The following CELF2 variants were observed in gnomAD, a reference collection of about 807,000 sequenced individuals.
The protein encoded by CELF2 is CUG triplet repeat RNA-binding protein 2.
In CELF2, 8 loss-of-function variants were observed where a neutral mutation model predicts 62.6. The ratio of observed to expected loss-of-function variants is 0.13; its 90% CI spans 0.07 to 0.23. The LOEUF (loss-of-function observed/expected upper bound fraction) is 0.23, where lower values mean the gene tolerates loss of function less well. CELF2 is among the 10% of genes least tolerant of loss of function. CELF2 has a pLI of 1.00. For missense variants in CELF2, 333 were observed against 671.0 expected (o/e 0.50, Z 5.56); for synonymous variants, 258 against 250.0 (o/e 1.03, Z -0.30).
chr10:11,029,435 C>A (rs1470908917), intron 1 of CELF2, among the ~76,000 whole-genome samples: 5 of 152,168 alleles, frequency 3.3e-5, no homozygotes, highest in African/African-American at 1.2e-4. Context: ...AAGCCTAAAG[C>A]CTCGGTGTGT....
At chr10:10,618,738 G>T in the CELF2 span, among the ~76,000 whole-genome samples, 1 of 152,028 alleles carries the variant, frequency 6.6e-6, no homozygotes, top group Non-Finnish European at 1.5e-5. Flanking sequence ...GGAAATCAAA[G>T]ACACAGACAC....
intron 1 of CELF2, among the ~76,000 whole-genome samples, chr10:10,839,831 A>G (rs187733182): frequency 5.8e-4 from 88 of 152,366 alleles, no homozygotes; most frequent in Admixed American, 2.0e-3. Context: ...CATAGAGAAT[A>G]GTTTCACTGC....
At chr10:10,899,422 G>A (rs1302888996) in intron 1 of CELF2, among the ~76,000 whole-genome samples, 1 of 152,030 alleles carries the variant, frequency 6.6e-6, no homozygotes, top group East Asian at 1.9e-4. Flanking sequence ...GATAATCATG[G>A]GTATTATGAC....
chr10:11,314,349 AGG>A lies in CELF2; in HGVS notation c.1096+92_1096+93del. ...TGGTCAGCCAGAAATGACCCGAAAA[AGG>A]ATATGCCACGGGGAGAACTAAAACT... is the stretch of plus-strand genomic sequence containing the variant. On this transcript the variant is annotated intron_variant, in intron 10 of 12. Coordinates refer to ENST00000633077, the MANE Select transcript of CELF2 (RefSeq NM_001326342.2). This position sits in a 1 kb window ranked among gnomAD's most constrained non-coding sequence, Gnocchi z 5.3. The A allele has an allele frequency of 6.4e-7, 1 of 1,555,556 alleles. No homozygotes were observed. The highest frequency in any genetic ancestry group is 1.1e-5 in the South Asian group (1 of 89,432).
At chr10:11,043,609 A>G (rs373219437) in intron 1 of CELF2, among the ~76,000 whole-genome samples, 3 of 151,810 alleles carry the variant, frequency 2.0e-5, no homozygotes, top group South Asian at 2.1e-4. Context: ...TCTCCATCTC[A>G]CTAAATGGTT....
chr10:10,595,285 C>T, the CELF2 span, among the ~76,000 whole-genome samples: 1 of 151,226 alleles, frequency 6.6e-6, no homozygotes, highest in African/African-American at 2.4e-5. Flanking sequence ...ACTTGACATA[C>T]AAAGGGAGTA....
At chr10:10,544,978 G>A in the CELF2 span, among the ~76,000 whole-genome samples, 12 of 152,154 alleles carry the variant, frequency 7.9e-5, no homozygotes, top group African/African-American at 2.7e-4. Flanking sequence ...CAAAGTCATC[G>A]TTAAGATTCT....
chr10:11,192,126 G>A (rs1305697239), intron 2 of CELF2, among the ~76,000 whole-genome samples: 3 of 152,210 alleles, frequency 2.0e-5, no homozygotes, highest in Admixed American at 6.5e-5. Flanking sequence ...CCTACAGGCT[G>A]GGATCTTGTG....
At position 11,332,316 on chromosome 10, in the gene CELF2, T is replaced by G. The variant is rs1344240747; in HGVS notation, c.*3263T>G. The G allele has an allele frequency of 6.6e-6, 1 of 152,224 alleles. No homozygotes were observed. The highest frequency in any genetic ancestry group is 1.5e-5 in the Non-Finnish European group (1 of 68,058). 9.4% of individuals were successfully genotyped at this position (152,224 alleles called of 1,614,324 possible). Reference sequence around the variant, plus strand: ...GGTTTTGTTTCTGTTTCCTAAATACTCCTAAATAATATTTCTAATCAGCCA... The same window carrying G: ...GGTTTTGTTTCTGTTTCCTAAATACGCCTAAATAATATTTCTAATCAGCCA... On this transcript the variant is annotated 3_prime_UTR_variant, in exon 13 of 13. Transcript: ENST00000633077.
the CELF2 span, among the ~76,000 whole-genome samples, chr10:10,739,320 G>T: frequency 2.6e-5 from 4 of 152,044 alleles, no homozygotes; most frequent in Non-Finnish European, 5.9e-5. Context: ...TGTTTAATTG[G>T]TTTTGTTTGA....
At chr10:11,096,224 A>T (rs1022935452) in intron 1 of CELF2, 5 of 152,244 alleles carry the variant, frequency 3.3e-5, no homozygotes, top group African/African-American at 1.2e-4. Context: ...GAGAAGTGCT[A>T]TGTTATGAAT....
intron 2 of CELF2, among the ~76,000 whole-genome samples, chr10:11,189,089 T>C (rs1322486924): frequency 1.3e-5 from 2 of 152,190 alleles, no homozygotes; most frequent in Non-Finnish European, 2.9e-5. Context: ...TTTCTACTTC[T>C]AAAGTGAGGC....
the CELF2 span, among the ~76,000 whole-genome samples, chr10:10,763,137 C>A: frequency 6.6e-6 from 1 of 152,148 alleles, no homozygotes; most frequent in Admixed American, 6.5e-5. Flanking sequence ...ACTTTTGGAA[C>A]TTGGACAGTA....
intron 1 of CELF2, among the ~76,000 whole-genome samples, chr10:11,073,142 A>G (rs929880067): frequency 7.2e-5 from 11 of 152,230 alleles, no homozygotes; most frequent in Admixed American, 1.3e-4. Context: ...TTGAATTATG[A>G]AACATTCACA....
chr10:10,560,514 G>A, the CELF2 span, among the ~76,000 whole-genome samples: 5 of 152,168 alleles, frequency 3.3e-5, no homozygotes, highest in East Asian at 3.9e-4. Context: ...TTCACTCACC[G>A]GTTCCCTCCA....
At chr10:10,645,062 C>G in the CELF2 span, among the ~76,000 whole-genome samples, 1 of 152,210 alleles carries the variant, frequency 6.6e-6, no homozygotes, top group Non-Finnish European at 1.5e-5. Context: ...TCTGAATGAT[C>G]TCCTGGGGAT....
At chr10:11,245,738 A>G (rs1297480330) in intron 3 of CELF2, among the ~76,000 whole-genome samples, 1 of 152,222 alleles carries the variant, frequency 6.6e-6, no homozygotes, top group Non-Finnish European at 1.5e-5. Context: ...CAGGTCCTAC[A>G]GGAGTTGGGG....
rs2095243518 is a variant in CELF2, at chr10:11,318,836, T to C, written c.1097-2353T>C. 1 of 471,240 alleles carries C rather than the reference T, an allele frequency of 2.1e-6. No individual in the cohort carries two copies. Among genetic ancestry groups the C allele is most frequent in the Non-Finnish European group, 4.4e-6 (1 of 227,074 alleles). 29.2% of individuals were successfully genotyped at this position (471,240 alleles called of 1,614,324 possible). A position where few individuals can be genotyped will look rare whatever the true frequency, so the allele number is the denominator to read the frequency against. On this transcript the variant is annotated intron_variant, in intron 10 of 12. Transcript: ENST00000633077. The surrounding 1 kb of genome is among the most constrained non-coding windows in gnomAD (Gnocchi z 5.4). ...AAAATGCCACCTGTGTATCTGGCAC[T>C]CTGGAGAAGCCGAGTCGTGGAGGCT... is the stretch of plus-strand genomic sequence containing the variant.
chr10:11,211,791 TGAGA>T lies in CELF2; in HGVS notation c.272-5614_272-5611del, dbSNP rs144030698. On this transcript the variant is annotated intron_variant, in intron 2 of 12. Coordinates refer to ENST00000633077, the MANE Select transcript of CELF2 (RefSeq NM_001326342.2). The surrounding 1 kb of genome is among the most constrained non-coding windows in gnomAD (Gnocchi z 4.8). ...GAGTGAGAGTGTGTGTGTATGTGTG[TGAGA>T]GAGAGAGAGAGAGAGAGAGTGTGTG... Among the ~76,000 whole-genome samples, 10,206 of 135,156 alleles carry T rather than the reference TGAGA, an allele frequency of 0.076. 474 individuals are homozygous for T. The highest frequency in any genetic ancestry group is 0.089 in the Non-Finnish European group (5,654 of 63,428). 88.7% of individuals were successfully genotyped at this position (135,156 alleles called of 152,430 possible). A position where few individuals can be genotyped will look rare whatever the true frequency, so the allele number is the denominator to read the frequency against.
Sources: allele counts gnomAD v4.1 joint callset (sites outside exome capture counted in the v4.1 genomes callset), GRCh38; gene constraint gnomAD v4.1.1; non-coding constraint Gnocchi (gnomAD v3.1); transcripts MANE v1.5; gene names NCBI Gene and HGNC (gene_info 2026-07-23, HGNC 2026-07-21).